Variants in KCTD20 observed in about 807,000 individuals in gnomAD.
The protein encoded by KCTD20 is BTB/POZ domain-containing protein KCTD20.
Under a neutral mutation model 39.6 loss-of-function variants are expected in KCTD20, and 30 were observed. The observed-to-expected ratio is 0.76, with a 90% CI of 0.57 to 1.03. The LOEUF (loss-of-function observed/expected upper bound fraction) is 1.03, where lower values mean the gene tolerates loss of function less well. KCTD20 is among the 50% of genes least tolerant of loss of function. KCTD20 has a pLI of 0.00. For synonymous variants in KCTD20, 162 were observed against 180.6 expected (o/e 0.90, Z 0.83); for missense variants, 422 against 522.0 (o/e 0.81, Z 1.87).
At chr6:36,471,352 C>T (rs1308151218) in intron 2 of KCTD20, among the ~76,000 whole-genome samples, 45 of 152,134 alleles carry the variant, frequency 3.0e-4, no homozygotes, top group Non-Finnish European at 1.5e-5. Flanking sequence ...GCAAACTGGT[C>T]AAATCTGTCT....
At chr6:36,450,068 G>C (rs1279411432) in intron 1 of KCTD20, among the ~76,000 whole-genome samples, 2 of 151,248 alleles carry the variant, frequency 1.3e-5, no homozygotes, top group East Asian at 3.9e-4. Context: ...GGAGGCTGAG[G>C]CAGGAGAATG....
intron 1 of KCTD20, among the ~76,000 whole-genome samples, chr6:36,455,420 G>C (rs1373528889): frequency 6.6e-6 from 1 of 152,054 alleles, no homozygotes. Context: ...AACAAAAACA[G>C]AACAAACAAA....
chr6:36,479,581 C>CT lies in KCTD20; in HGVS notation c.538-9dup, dbSNP rs750046436. ...TCTGCCTACATTTTTTCTTCCTAAT[C>CT]TATTTACAGGATTATTACAAAACCG... is the stretch of plus-strand genomic sequence containing the variant. On this transcript the variant is annotated splice_polypyrimidine_tract_variant and intron_variant, in intron 4 of 7. Transcript: ENST00000373731. 3.1e-6 allele frequency: 5 copies of CT among 1,598,624 alleles called. No homozygotes were observed. The African/African-American group carries it at 4.0e-5, about 13-fold the overall frequency.
At chr6:36,453,656 A>C (rs972665606) in intron 1 of KCTD20, among the ~76,000 whole-genome samples, 2 of 151,758 alleles carry the variant, frequency 1.3e-5, no homozygotes, top group Non-Finnish European at 2.9e-5. Context: ...CTGGGATTAC[A>C]GGCATGCACC....
intron 1 of KCTD20, among the ~76,000 whole-genome samples, chr6:36,448,013 G>GTATATA (rs10645937): frequency 0.04 from 5,148 of 128,776 alleles, 126 homozygotes; most frequent in Admixed American, 0.046. Flanking sequence ...GTATGTGTGT[G>GTATATA]TGTATATATA....
intron 1 of KCTD20, among the ~76,000 whole-genome samples, chr6:36,448,015 G>GTGTGTGTGTATATATATATATATATATA (rs559687288): frequency 1.6e-5 from 2 of 128,950 alleles, no homozygotes; most frequent in African/African-American, 6.9e-5. Flanking sequence ...ATGTGTGTGT[G>GTGTGTGTGTATATATATATATATATATA]TATATATATA....
intron 6 of KCTD20, among the ~76,000 whole-genome samples, chr6:36,483,118 CA>C (rs767686820): frequency 0.15 from 16,735 of 108,194 alleles, 2,412 homozygotes; most frequent in African/African-American, 0.37. Context: ...GACTCCGTTT[CA>C]AAAAAAAAAA....
In KCTD20 at chr6:36,479,611, C is replaced by A. The variant is rs1242313319; in HGVS notation, c.558C>A (p.Ile186=). ...RTVLDYYKTG[I]INCPDGISIP... Reference sequence around the variant, plus strand: ...TACAGGATTATTACAAAACCGGTATCATCAATTGTCCTGATGGCATCTCTA... The same window carrying A: ...TACAGGATTATTACAAAACCGGTATAATCAATTGTCCTGATGGCATCTCTA... Residue 186 remains isoleucine, a synonymous_variant, in exon 5 of 8, where the codon ATC becomes ATA. Coordinates refer to ENST00000373731, the MANE Select transcript of KCTD20 (RefSeq NM_173562.5). 6.2e-7 allele frequency: 1 copy of A among 1,606,664 alleles called. No individual in the cohort carries two copies. The highest frequency in any genetic ancestry group is 2.2e-5 in the East Asian group (1 of 44,860).
chr6:36,485,535 C>G (rs967137089), intron 7 of KCTD20, among the ~76,000 whole-genome samples: 25 of 140,886 alleles, frequency 1.8e-4, no homozygotes, highest in Middle Eastern at 4.0e-3. Flanking sequence ...CACTCTGTCG[C>G]CCAGGTGGAG....
intron 2 of KCTD20, among the ~76,000 whole-genome samples, chr6:36,474,531 G>A (rs1291992443): frequency 6.6e-6 from 1 of 151,704 alleles, no homozygotes; most frequent in African/African-American, 2.4e-5. Context: ...TTTAAATAAC[G>A]TTCAAGTGTG....
rs1170980455 is a variant in KCTD20 at position 36,487,166 on chromosome 6, T to C, written c.1251T>C (p.Phe417=). The C allele has an allele frequency of 6.2e-7, 1 of 1,612,320 alleles. No homozygotes were observed. The highest frequency in any genetic ancestry group is 2.2e-5 in the East Asian group (1 of 44,882). ...APLSQMASND[F]QD is the part of the protein sequence containing the mutation. Reference sequence around the variant, plus strand: ...TTTCTCAGATGGCTTCTAACGACTTTCAGGATTAGGGCCAGCTGTGGGTCT... The same window carrying C: ...TTTCTCAGATGGCTTCTAACGACTTCCAGGATTAGGGCCAGCTGTGGGTCT... The change falls in exon 8 of 8, where the codon TTT becomes TTC. Residue 417 remains phenylalanine, a synonymous_variant. Transcript: ENST00000373731.
intron 1 of KCTD20, among the ~76,000 whole-genome samples, chr6:36,448,059 ATGATAAGTATAAAGTAAGCTTTATCTC>A (rs1775114119): frequency 6.8e-6 from 1 of 146,782 alleles, no homozygotes; most frequent in Non-Finnish European, 1.5e-5. Context: ...CTGAGGTTTT[ATGATAAGTATAAAGTAAGCTTTATCTC>A]TGCCCTTACT....
chr6:36,482,974 G>A (rs1287480722), intron 6 of KCTD20, among the ~76,000 whole-genome samples: 8 of 149,028 alleles, frequency 5.4e-5, no homozygotes, highest in Non-Finnish European at 1.2e-4. Flanking sequence ...AAGATTAACC[G>A]GGCATGGTGG....
In KCTD20 at chr6:36,448,015, G is replaced by GTGTATGTATATATATATATATATATATA. The variant is rs559687288; in HGVS notation, c.-47+4905_-47+4906insGTATGTATATATATATATATATATATAT. Reference sequence around the variant, plus strand: ...CCAAAATATATGTGTATGTGTGTGTGTATATATATATATATATATATATAT... The same window carrying GTGTATGTATATATATATATATATATATA: ...CCAAAATATATGTGTATGTGTGTGTGTGTATGTATATATATATATATATATATATATATATATATATATATATATATAT... On this transcript the variant is annotated intron_variant, in intron 1 of 7. Coordinates refer to ENST00000373731, the MANE Select transcript of KCTD20 (RefSeq NM_173562.5). Among the ~76,000 whole-genome samples, 141 of 128,880 alleles carry GTGTATGTATATATATATATATATATATA rather than the reference G, an allele frequency of 1.1e-3. 1 individual carries two copies. The highest frequency in any genetic ancestry group is 4.6e-3 in the African/African-American group (133 of 29,016). The allele number at this position is 128,880 out of a possible 152,430, so 84.6% of individuals were successfully genotyped here. A position where few individuals can be genotyped will look rare whatever the true frequency, so the allele number is the denominator to read the frequency against.
intron 2 of KCTD20, among the ~76,000 whole-genome samples, chr6:36,474,429 G>A (rs772296138): frequency 4.6e-5 from 7 of 152,098 alleles, no homozygotes; most frequent in Non-Finnish European, 8.8e-5. Flanking sequence ...CACCAGGGAA[G>A]GTATAGGGAA....
At chr6:36,471,991 G>A (rs1561953056) in intron 2 of KCTD20, among the ~76,000 whole-genome samples, 1 of 152,056 alleles carries the variant, frequency 6.6e-6, no homozygotes, top group Non-Finnish European at 1.5e-5. Context: ...TGGGACTACA[G>A]GCACCTGCCA....
intron 1 of KCTD20, among the ~76,000 whole-genome samples, chr6:36,466,604 A>G (rs1260403926): frequency 6.6e-6 from 1 of 151,172 alleles, no homozygotes; most frequent in Non-Finnish European, 1.5e-5. Flanking sequence ...CTGGTCTTGA[A>G]CTCTCAGGCT....
intron 1 of KCTD20, among the ~76,000 whole-genome samples, chr6:36,457,114 G>C (rs1775460709): frequency 1.3e-5 from 2 of 151,902 alleles, no homozygotes; most frequent in South Asian, 4.1e-4. Flanking sequence ...TTTATTTTTT[G>C]GAGAGATGGG....
At chr6:36,470,901 G>A (rs1330212730) in intron 2 of KCTD20, among the ~76,000 whole-genome samples, 2 of 152,204 alleles carry the variant, frequency 1.3e-5, no homozygotes, top group Admixed American at 6.5e-5. Context: ...TATAATCCCA[G>A]CACTTTGGGA....
Sources: allele counts gnomAD v4.1 joint callset (sites outside exome capture counted in the v4.1 genomes callset), GRCh38; gene constraint gnomAD v4.1.1; transcripts MANE v1.5; gene names NCBI Gene and HGNC (gene_info 2026-07-23, HGNC 2026-07-21).